The following HOMER3 variants were observed in gnomAD, a reference collection of about 807,000 sequenced individuals.
The protein encoded by HOMER3 is homer protein homolog 3.
HOMER3 carries 34 observed loss-of-function variants against 45.5 expected under a neutral mutation model. The ratio of observed to expected loss-of-function variants is 0.75; its 90% CI spans 0.57 to 1.00. HOMER3 has a LOEUF of 1.00. Among genes scored for constraint, HOMER3 ranks in the 50% least tolerant of loss-of-function variants. The pLI is 0.00. For synonymous variants in HOMER3, 223 were observed against 208.8 expected (o/e 1.07, Z -0.58); for missense variants, 480 against 497.5 (o/e 0.96, Z 0.33).
At chr19:18,936,792 A>G (rs1290541636) in intron 4 of HOMER3, among the ~76,000 whole-genome samples, 1 of 151,764 alleles carries the variant, frequency 6.6e-6, no homozygotes, top group Non-Finnish European at 1.5e-5. Flanking sequence ...GATCGAGACC[A>G]TCCTGGCTAA....
At chr19:18,931,844 G>A in intron 7 of HOMER3, 132 bp downstream of exon 7, 1 of 1,428,742 alleles carries the variant, frequency 7.0e-7, no homozygotes. Context: ...GCAAGAAACT[G>A]AGGCTGGGTC....
At chr19:18,933,146 C>G (rs2057057000) in intron 5 of HOMER3, 101 bp from the exon 6 acceptor site, 1 of 1,354,642 alleles carries the variant, frequency 7.4e-7, no homozygotes, top group Non-Finnish European at 9.6e-7. Flanking sequence ...ACCTATGCAC[C>G]CTAAGCAGGT....
At chr19:18,940,607 T>G (rs2057145361) in intron 1 of HOMER3, 1 of 152,228 alleles carries the variant, frequency 6.6e-6, no homozygotes, top group African/African-American at 2.4e-5. Flanking sequence ...ACACCTCTTC[T>G]GCCTCCTCCA....
intron 6 of HOMER3, among the ~76,000 whole-genome samples, chr19:18,932,425 A>C (rs1257517942): frequency 1.4e-5 from 2 of 147,804 alleles, no homozygotes; most frequent in Non-Finnish European, 3.0e-5. Context: ...GGGCGGGGCC[A>C]GAGGAGGGGT....
Position 18,932,921 on chromosome 19 carries a change from C to T in HOMER3, c.533+3G>A, listed in dbSNP as rs779964559. On this transcript the variant is annotated splice_donor_region_variant and intron_variant, in intron 6 of 9. Coordinates refer to ENST00000392351, the MANE Select transcript of HOMER3 (RefSeq NM_004838.4). ...TGCCACGCCCCCAAGTCCCGCCCCTCACCCCTCAGACAACATCTTCTTTAG... is the reference window on the plus strand; with the variant it reads ...TGCCACGCCCCCAAGTCCCGCCCCTTACCCCTCAGACAACATCTTCTTTAG... The T allele has an allele frequency of 3.8e-5, 53 of 1,392,670 alleles. No homozygotes were observed. The highest frequency in any genetic ancestry group is 5.6e-5 in the East Asian group (2 of 35,894). The allele number at this position is 1,392,670 out of a possible 1,614,324, so 86.3% of individuals were successfully genotyped here.
chr19:18,938,587 G>A (rs752131888), intron 3 of HOMER3, 103 bp from the exon 4 acceptor site: 24 of 1,512,464 alleles, frequency 1.6e-5, no homozygotes, highest in Non-Finnish European at 2.2e-5. Context: ...TCTTTACTCT[G>A]AACCCTTTCA....
In HOMER3 at chr19:18,932,063, G is replaced by A. The variant is rs1468443831; in HGVS notation, c.603C>T (p.Gly201=). Residue 201 remains glycine (G), a synonymous_variant, in exon 7 of 10, where the codon GGC becomes GGT. Coordinates refer to ENST00000392351, the MANE Select transcript of HOMER3 (RefSeq NM_004838.4). ...CGGCGGCGTTGGCCTCTCGCAGGGC[G>A]CCTGCCAGCTTGTTGTTGCTGTCCT... The part of the protein sequence containing the change: ...ALQDSNNKLA[G]ALREANAAAA... 9 of 1,560,630 alleles carry A rather than the reference G, an allele frequency of 5.8e-6. No homozygotes were observed. The highest frequency in any genetic ancestry group is 7.8e-6 in the Non-Finnish European group (9 of 1,154,666).
In HOMER3 at chr19:18,932,079, T is replaced by C; in HGVS notation, c.587A>G (p.Asn196Ser). 6.4e-7 allele frequency: 1 copy of C among 1,568,284 alleles called. No homozygotes were observed. Among genetic ancestry groups the C allele is most frequent in the Non-Finnish European group, 8.6e-7 (1 of 1,158,732 alleles). Residue 196 changes from asparagine to serine, a missense_variant, in exon 7 of 10, where the codon AAC becomes AGC. Asn to Ser is a conservative substitution (Grantham distance 46). Transcript: ENST00000392351. ...TCGCAGGGCGCCTGCCAGCTTGTTG[T>C]TGCTGTCCTGCAGTGCGAAAAACTC... ...EAEFFALQDSNNKLAGALREA... is the reference protein window; with the variant it reads ...EAEFFALQDSSNKLAGALREA...
chr19:18,938,813 G>A lies in HOMER3; in HGVS notation c.86C>T (p.Pro29Leu). The A allele has an allele frequency of 1.9e-6, 3 of 1,600,848 alleles. No homozygotes were observed. Among genetic ancestry groups the A allele is most frequent in the Non-Finnish European group, 2.6e-6 (3 of 1,173,952 alleles). Residue 29 changes from proline (P) to leucine (L), a missense_variant, in exon 3 of 10, where the codon CCA becomes CTA. Physicochemically the swap from Pro to Leu is moderately conservative, Grantham distance 98 (BLOSUM62 -3). Transcript: ENST00000392351. Reference protein sequence around the residue: ...IDPATKRNWIPAGKHALTVSY... With the variant: ...IDPATKRNWILAGKHALTVSY... ...GACAGTGAGTGCGTGCTTGCCCGCTGGGATCCAGTTTCGCTTGGTGGCTGG... is the reference window on the plus strand; with the variant it reads ...GACAGTGAGTGCGTGCTTGCCCGCTAGGATCCAGTTTCGCTTGGTGGCTGG...
chr19:18,939,180 A>G, intron 1 of HOMER3, 131 bp from the exon 2 acceptor site: 1 of 561,218 alleles, frequency 1.8e-6, no homozygotes, highest in Non-Finnish European at 3.1e-6. Context: ...GAGAGGCCCA[A>G]AGTACACCTG....
chr19:18,937,139 T>C (rs1443115314), intron 4 of HOMER3, among the ~76,000 whole-genome samples: 6 of 150,336 alleles, frequency 4.0e-5, no homozygotes, highest in Admixed American at 4.0e-4. Flanking sequence ...ATCCTATCTC[T>C]AAAAAAAATA....
In HOMER3 at chr19:18,929,485, C is replaced by A; in HGVS notation, c.1044G>T (p.Glu348Asp). The change falls in exon 10 of 10, where the codon GAG becomes GAT. Residue 348 changes from glutamate to aspartate, a missense_variant. Glu to Asp is a conservative substitution (Grantham distance 45). Coordinates refer to ENST00000392351, the MANE Select transcript of HOMER3 (RefSeq NM_004838.4). ...CCAGGCGGGCCAGGCCCTCACGCAGCTCACTCAGCTCAAACAGGCTGACGT... is the reference window on the plus strand; with the variant it reads ...CCAGGCGGGCCAGGCCCTCACGCAGATCACTCAGCTCAAACAGGCTGACGT... ...LLDVSLFELS[E>D]LREGLARLAE... 6.3e-7 allele frequency: 1 copy of A among 1,598,172 alleles called. No individual in the cohort carries two copies.
At chr19:18,930,607 G>C (rs1410304214) in intron 9 of HOMER3, among the ~76,000 whole-genome samples, 2 of 151,724 alleles carry the variant, frequency 1.3e-5, no homozygotes, top group Non-Finnish European at 2.9e-5. Flanking sequence ...GCCAGTCGTG[G>C]TGACTCAAGC....
In HOMER3 at chr19:18,931,601, C is replaced by A; in HGVS notation, c.715G>T (p.Ala239Ser). The change falls in exon 8 of 10, where the codon GCT (alanine) becomes TCT (serine). Residue 239 changes from alanine (A) to serine (S), a missense_variant. Transcript: ENST00000392351. ...QRVAELEAQA[A>S]SEVTPTGEKE... ...TCACCGGTGGGGGTCACCTCTGAAG[C>A]TGCCTGAGCCTCCAGCTCAGCCACC... 3.0e-5 allele frequency: 49 copies of A among 1,611,508 alleles called. No individual in the cohort carries two copies. The highest frequency in any genetic ancestry group is 4.0e-5 in the Non-Finnish European group (47 of 1,179,250).
intron 5 of HOMER3, 58 bp downstream of exon 5, chr19:18,934,245 G>A (rs567910522): frequency 1.2e-5 from 12 of 1,023,014 alleles, no homozygotes; most frequent in Non-Finnish European, 1.6e-5. Flanking sequence ...AATATCAGTT[G>A]AGCGCCTGGC....
Position 18,934,424 on chromosome 19 carries a change from G to A in HOMER3, c.304-14C>T, listed in dbSNP as rs1414357219. 3.9e-6 allele frequency: 6 copies of A among 1,541,700 alleles called. No individual in the cohort carries two copies. The highest frequency in any genetic ancestry group is 4.8e-5 in the East Asian group (2 of 41,240). On this transcript the variant is annotated splice_polypyrimidine_tract_variant and intron_variant, in intron 4 of 9. Transcript: ENST00000392351. ...CTTCTCGGCAAACTAAGGGAGTGGG[G>A]AGGAAAAGACAGTAAAACCCCAGCC...
At chr19:18,933,676 G>A (rs548706012) in intron 5 of HOMER3, among the ~76,000 whole-genome samples, 16 of 152,084 alleles carry the variant, frequency 1.1e-4, no homozygotes, top group Non-Finnish European at 1.8e-4. Flanking sequence ...GGGACAGTTC[G>A]TTGTTCTGCC....
At chr19:18,930,701 C>A (rs2057022311) in intron 9 of HOMER3, among the ~76,000 whole-genome samples, 1 of 151,708 alleles carries the variant, frequency 6.6e-6, no homozygotes, top group South Asian at 2.1e-4. Context: ...ATGAGGAAAC[C>A]CCATCTCTAC....
At chr19:18,931,720 C>G (rs964601159) in intron 7 of HOMER3, 95 bp from the exon 8 acceptor site, 12 of 1,509,652 alleles carry the variant, frequency 7.9e-6, no homozygotes, top group Non-Finnish European at 3.5e-6. Context: ...TGGCCACGCC[C>G]AGGACCGAGC....
Sources: allele counts gnomAD v4.1 joint callset (sites outside exome capture counted in the v4.1 genomes callset), GRCh38; gene constraint gnomAD v4.1.1; transcripts MANE v1.5; gene names NCBI Gene and HGNC (gene_info 2026-07-23, HGNC 2026-07-21).